Variants in PRKN observed in about 807,000 individuals in gnomAD.
PRKN encodes the protein E3 ubiquitin-protein ligase parkin.
In PRKN, 56 loss-of-function variants were observed where a neutral mutation model predicts 59.5. That is an observed-to-expected ratio of 0.94 (90% CI 0.76 to 1.18). The LOEUF (loss-of-function observed/expected upper bound fraction) is 1.18, where lower values mean the gene tolerates loss of function less well. Among genes scored for constraint, PRKN ranks in the 50% most tolerant of loss-of-function variants. The pLI is 0.00. For missense variants in PRKN, 657 were observed against 596.4 expected, an observed-to-expected ratio of 1.10 and a Z score of -1.06; for synonymous variants, 250 against 222.1, an observed-to-expected ratio of 1.13 and a Z score of -1.12.
chr6:162,069,440 T>C (rs1489629683), intron 4 of PRKN, among the ~76,000 whole-genome samples: 1 of 152,194 alleles, frequency 6.6e-6, no homozygotes, highest in Admixed American at 6.5e-5. Flanking sequence ...ACAGGAGATA[T>C]TAAGAAATAA....
chr6:162,049,338 T>C (rs1777526524), intron 5 of PRKN, among the ~76,000 whole-genome samples: 1 of 152,104 alleles, frequency 6.6e-6, no homozygotes, highest in Non-Finnish European at 1.5e-5. Context: ...ACCTTGACTT[T>C]AGAAAATACA....
chr6:162,557,521 TTTG>T (rs869049335), intron 1 of PRKN, among the ~76,000 whole-genome samples: 1 of 152,062 alleles, frequency 6.6e-6, no homozygotes, highest in Admixed American at 6.5e-5. Context: ...TTTCTGTTTG[TTTG>T]TTTTTTTGAG....
intron 9 of PRKN, among the ~76,000 whole-genome samples, chr6:161,452,954 GATATAA>G (rs1789805591): frequency 6.6e-6 from 1 of 151,756 alleles, no homozygotes; most frequent in African/African-American, 2.4e-5. Flanking sequence ...GTGCTCTTAA[GATATAA>G]ATATATTTCC....
intron 1 of PRKN, among the ~76,000 whole-genome samples, chr6:162,517,478 G>T (rs925155473): frequency 2.0e-5 from 3 of 151,394 alleles, no homozygotes; most frequent in Non-Finnish European, 4.4e-5. Flanking sequence ...GGATGGTCTC[G>T]ATCTCCTGAC....
Position 161,410,171 on chromosome 6 carries a change from A to G in PRKN, c.1084-23294T>C, listed in dbSNP as rs368312702. ...GGGGAAGGATTGCATAAGTTGTGGC[A>G]GGGGGCCTGGGGCAGGTGGGTGGCC... On this transcript the variant is annotated intron_variant, in intron 9 of 11. Coordinates refer to ENST00000366898, the MANE Select transcript of PRKN (RefSeq NM_004562.3). The surrounding 1 kb of genome is among the most constrained non-coding windows in gnomAD (Gnocchi z 5.3). 4.3e-4 allele frequency among the ~76,000 whole-genome samples: 65 copies of G among 152,146 alleles called. 1 individual carries two copies. In the East Asian group the frequency reaches 7.4e-3, roughly 17 times the overall value.
rs10214751 is a variant in PRKN at position 161,396,044 on chromosome 6, C to T, written c.1084-9167G>A. On this transcript the variant is annotated intron_variant, in intron 9 of 11. Transcript: ENST00000366898. This position sits in a 1 kb window ranked among gnomAD's most constrained non-coding sequence, Gnocchi z 5.4. ...GCTTTGCAGACTTGGCTCTCAGTGA[C>T]GCTTGCCAGGTGACCTGACTGCAGC... Among the ~76,000 whole-genome samples the T allele has an allele frequency of 0.014, 2,174 of 152,274 alleles. 68 individuals are homozygous for T. Among genetic ancestry groups the T allele is most frequent in the African/African-American group, 0.049 (2,041 of 41,528 alleles).
intron 5 of PRKN, among the ~76,000 whole-genome samples, chr6:161,993,770 G>A (rs1781737363): frequency 6.6e-6 from 1 of 152,172 alleles, no homozygotes; most frequent in East Asian, 1.9e-4. Context: ...TGTAAAAGAA[G>A]CACTGAGCCA....
chr6:162,486,870 G>A (rs575554835), intron 1 of PRKN, among the ~76,000 whole-genome samples: 5 of 152,188 alleles, frequency 3.3e-5, no homozygotes, highest in African/African-American at 1.2e-4. Context: ...AGGAGTTCAA[G>A]ACCAGCCTGA....
intron 1 of PRKN, among the ~76,000 whole-genome samples, chr6:162,549,707 C>G (rs949268927): frequency 6.7e-6 from 1 of 148,778 alleles, no homozygotes; most frequent in Non-Finnish European, 1.5e-5. Context: ...GGTGCAATCT[C>G]GACTCACTGC....
chr6:161,644,287 A>C (rs959646487), intron 7 of PRKN, among the ~76,000 whole-genome samples: 1 of 152,228 alleles, frequency 6.6e-6, no homozygotes, highest in African/African-American at 2.4e-5. Context: ...ATTTATCTAC[A>C]GATTGATCAT....
At chr6:161,364,869 T>C (rs1785130977) in intron 10 of PRKN, among the ~76,000 whole-genome samples, 1 of 151,018 alleles carries the variant, frequency 6.6e-6, no homozygotes, top group African/African-American at 2.4e-5. Context: ...AGGTGGAGGT[T>C]GCAGTGAGCC....
At chr6:161,756,318 C>T (rs190071066) in intron 7 of PRKN, among the ~76,000 whole-genome samples, 57 of 151,674 alleles carry the variant, frequency 3.8e-4, no homozygotes, top group African/African-American at 1.2e-3. Flanking sequence ...CGTGCACACC[C>T]GTAATCCCAG....
At chr6:162,352,517 G>A (rs190151416) in intron 2 of PRKN, among the ~76,000 whole-genome samples, 5 of 152,210 alleles carry the variant, frequency 3.3e-5, no homozygotes, top group East Asian at 1.9e-4. Context: ...GTGTGACTGC[G>A]CATCCTGGGG....
chr6:162,349,132 T>TA (rs1255712304), intron 2 of PRKN, among the ~76,000 whole-genome samples: 7 of 152,030 alleles, frequency 4.6e-5, no homozygotes, highest in Admixed American at 2.6e-4. Context: ...ATATTTAGGG[T>TA]AAAAATTACA....
At chr6:161,601,317 A>T (rs529317513) in intron 7 of PRKN, among the ~76,000 whole-genome samples, 1 of 152,132 alleles carries the variant, frequency 6.6e-6, no homozygotes, top group African/African-American at 2.4e-5. Flanking sequence ...CCCCATTGGT[A>T]GTGCTCCTAG....
chr6:161,786,558 C>T (rs1219487971), intron 6 of PRKN, among the ~76,000 whole-genome samples: 1 of 151,776 alleles, frequency 6.6e-6, no homozygotes, highest in East Asian at 1.9e-4. Context: ...TTCTGCTATC[C>T]CACTTATTTT....
chr6:161,515,667 A>C (rs1778561103), intron 9 of PRKN, among the ~76,000 whole-genome samples: 1 of 152,236 alleles, frequency 6.6e-6, no homozygotes, highest in South Asian at 2.1e-4. Flanking sequence ...GTTAAAATTG[A>C]GTACACTGCC....
At chr6:161,574,334 T>C (rs762956900) in intron 7 of PRKN, among the ~76,000 whole-genome samples, 17 of 152,114 alleles carry the variant, frequency 1.1e-4, no homozygotes, top group Non-Finnish European at 2.2e-4. Flanking sequence ...AACATGGGCC[T>C]GGCGAATAAA....
At chr6:162,278,541 G>C (rs149704441) in intron 2 of PRKN, among the ~76,000 whole-genome samples, 1 of 152,190 alleles carries the variant, frequency 6.6e-6, no homozygotes, top group Admixed American at 6.6e-5. Context: ...CATTTGGGCA[G>C]GGAGTAGATG....
Sources: allele counts gnomAD v4.1 joint callset (sites outside exome capture counted in the v4.1 genomes callset), GRCh38; gene constraint gnomAD v4.1.1; non-coding constraint Gnocchi (gnomAD v3.1); transcripts MANE v1.5; gene names NCBI Gene and HGNC (gene_info 2026-07-23, HGNC 2026-07-21).